The following SNX18 variants were observed in gnomAD, a reference collection of about 807,000 sequenced individuals.
The protein encoded by SNX18 is sorting nexin 18.
A neutral mutation model predicts 48.7 loss-of-function variants in SNX18; 35 were observed. The observed-to-expected ratio is 0.72, with a 90% CI of 0.55 to 0.95. SNX18 has a LOEUF of 0.95. SNX18 is among the 40% of genes least tolerant of loss of function. The pLI is 0.00. For synonymous variants in SNX18, 492 were observed against 384.7 expected, an observed-to-expected ratio of 1.28 and a Z score of -3.26; for missense variants, 824 against 871.0, an observed-to-expected ratio of 0.95 and a Z score of 0.68.
At chr5:54,553,551 CCTT>C in the SNX18 span, among the ~76,000 whole-genome samples, 3 of 152,188 alleles carry the variant, frequency 2.0e-5, no homozygotes, top group Non-Finnish European at 4.4e-5. Flanking sequence ...GGGACATTCT[CCTT>C]AGAGTGACTC....
chr5:54,527,641 C>G (rs1437233763), intron 1 of SNX18, among the ~76,000 whole-genome samples: 2 of 152,204 alleles, frequency 1.3e-5, no homozygotes, highest in Non-Finnish European at 2.9e-5. Context: ...GGTCTAGTCC[C>G]CTTCCTTGGA....
the SNX18 span, among the ~76,000 whole-genome samples, chr5:54,623,970 G>A: frequency 6.6e-6 from 1 of 152,140 alleles, no homozygotes; most frequent in Non-Finnish European, 1.5e-5. Flanking sequence ...TTACGAGTAA[G>A]CATATCTTTT....
chr5:54,567,159 A>G, the SNX18 span, among the ~76,000 whole-genome samples: 2 of 151,860 alleles, frequency 1.3e-5, no homozygotes, highest in Admixed American at 6.6e-5. Context: ...TTTGTCATTA[A>G]GGTTAAATAT....
chr5:54,519,401 G>T lies in SNX18; in HGVS notation c.1449G>T (p.Gln483His). The change falls in exon 1 of 2, where the codon CAG becomes CAT. Residue 483 changes from glutamine (Q) to histidine (H), a missense_variant. Physicochemically the swap from Gln to His is conservative, Grantham distance 24. Transcript: ENST00000381410. Reference sequence around the variant, plus strand: ...GCCAGGCCTTTGAGCTGGACCAGCAGGCCTTCTCGGTGGGCCTGAACCAGG... The same window carrying T: ...GCCAGGCCTTTGAGCTGGACCAGCATGCCTTCTCGGTGGGCCTGAACCAGG... ...GLSQAFELDQ[Q>H]AFSVGLNQAI... 6.2e-7 allele frequency: 1 copy of T among 1,613,698 alleles called. No individual in the cohort carries two copies.
Position 54,519,104 on chromosome 5 carries a change from C to T in SNX18, c.1152C>T (p.Ser384=). Residue 384 remains serine (S), a synonymous_variant, in exon 1 of 2, where the codon AGC becomes AGT. Coordinates refer to ENST00000381410, the MANE Select transcript of SNX18 (RefSeq NM_001102575.2). ...AGCACTTCCTGACGTGCCCCAGCAGCACCGACGAGAAAGCCTGGAAGCAGG... is the reference window on the plus strand; with the variant it reads ...AGCACTTCCTGACGTGCCCCAGCAGTACCGACGAGAAAGCCTGGAAGCAGG... ...VFQHFLTCPS[S]TDEKAWKQGK... is the part of the protein sequence containing the mutation. 1.9e-6 allele frequency: 3 copies of T among 1,614,096 alleles called. No homozygotes were observed. The highest frequency in any genetic ancestry group is 1.1e-5 in the South Asian group (1 of 91,084).
the SNX18 span, among the ~76,000 whole-genome samples, chr5:54,603,626 G>T: frequency 6.6e-6 from 1 of 152,040 alleles, no homozygotes; most frequent in African/African-American, 2.4e-5. Flanking sequence ...GAGTCCAGAA[G>T]CCAAAGAAAA....
chr5:54,528,588 A>G (rs1043229740), intron 1 of SNX18, among the ~76,000 whole-genome samples: 1 of 152,166 alleles, frequency 6.6e-6, no homozygotes, highest in African/African-American at 2.4e-5. Flanking sequence ...TGATAAGCAT[A>G]CAGTAATTGA....
chr5:54,634,079 T>C, the SNX18 span, among the ~76,000 whole-genome samples: 1 of 152,212 alleles, frequency 6.6e-6, no homozygotes, highest in East Asian at 1.9e-4. Flanking sequence ...TTTTCAATAC[T>C]TAATATCTTA....
the SNX18 span, among the ~76,000 whole-genome samples, chr5:54,627,290 C>A: frequency 6.6e-6 from 1 of 152,226 alleles, no homozygotes; most frequent in South Asian, 2.1e-4. Flanking sequence ...AAAATATAAT[C>A]GTACTCTTCC....
At chr5:54,532,118 A>G (rs1224191235) in intron 1 of SNX18, among the ~76,000 whole-genome samples, 1 of 152,106 alleles carries the variant, frequency 6.6e-6, no homozygotes, top group Non-Finnish European at 1.5e-5. Flanking sequence ...ACTTCTGTTT[A>G]GATTTATTTT....
At chr5:54,535,527 G>T (rs1366272267) in intron 1 of SNX18, among the ~76,000 whole-genome samples, 1 of 152,166 alleles carries the variant, frequency 6.6e-6, no homozygotes, top group Non-Finnish European at 1.5e-5. Context: ...TTTCAACAAT[G>T]TAGTAGGGTC....
intron 1 of SNX18, among the ~76,000 whole-genome samples, chr5:54,523,028 TC>T (rs1762062179): frequency 9.2e-5 from 14 of 152,174 alleles, no homozygotes; most frequent in African/African-American, 2.9e-4. Context: ...GAATTCAGAA[TC>T]TATTGGAATT....
At chr5:54,611,400 A>G in the SNX18 span, among the ~76,000 whole-genome samples, 1 of 151,778 alleles carries the variant, frequency 6.6e-6, no homozygotes, top group African/African-American at 2.4e-5. Flanking sequence ...TCTACAGTCA[A>G]AAAAAAATCC....
the SNX18 span, among the ~76,000 whole-genome samples, chr5:54,554,827 A>G: frequency 1.3e-4 from 20 of 152,208 alleles, no homozygotes; most frequent in Non-Finnish European, 8.8e-5. Flanking sequence ...GGAAAATAAT[A>G]TCGAGCAGGG....
chr5:54,584,033 C>T, the SNX18 span, among the ~76,000 whole-genome samples: 1 of 150,636 alleles, frequency 6.6e-6, no homozygotes, highest in Non-Finnish European at 1.5e-5. Flanking sequence ...TTCTGGGTTG[C>T]CAGTGTGTAG....
At chr5:54,620,919 C>A in the SNX18 span, among the ~76,000 whole-genome samples, 1 of 152,170 alleles carries the variant, frequency 6.6e-6, no homozygotes, top group South Asian at 2.1e-4. Context: ...TAGGGCCCCA[C>A]TCCTCTTTTA....
the SNX18 span, among the ~76,000 whole-genome samples, chr5:54,614,640 C>G: frequency 6.6e-6 from 1 of 151,964 alleles, no homozygotes; most frequent in Non-Finnish European, 1.5e-5. Context: ...AACCCCATCT[C>G]TACAAAAAAA....
At chr5:54,622,611 AAT>A in the SNX18 span, among the ~76,000 whole-genome samples, 15 of 148,158 alleles carry the variant, frequency 1.0e-4, no homozygotes, top group Admixed American at 3.4e-4. Flanking sequence ...AATAAATATA[AAT>A]ATATATAAGT....
At chr5:54,641,624 C>G in the SNX18 span, among the ~76,000 whole-genome samples, 1 of 152,134 alleles carries the variant, frequency 6.6e-6, no homozygotes. Flanking sequence ...TTTCAAAGAG[C>G]TTTGAGTATC....
Sources: gnomAD v4.1 joint callset for allele counts (sites outside exome capture counted in the v4.1 genomes callset) on GRCh38, gnomAD v4.1.1 for gene constraint, MANE v1.5 for transcripts, NCBI Gene and HGNC (gene_info 2026-07-23, HGNC 2026-07-21) for gene names.